The following USP12 variants were observed in gnomAD, a reference collection of about 807,000 sequenced individuals.
The protein encoded by USP12 is ubiquitin specific peptidase 12.
Under a neutral mutation model 45.5 loss-of-function variants are expected in USP12, and 19 were observed. The observed-to-expected ratio is 0.42, with a 90% confidence interval of 0.29 to 0.61. The LOEUF is 0.61. USP12 is among the 20% of genes least tolerant of loss of function. USP12 has a pLI of 0.22. For synonymous variants in USP12, 149 were observed against 148.8 expected, an observed-to-expected ratio of 1.00 and a Z score of -0.01; for missense variants, 242 against 447.7, an observed-to-expected ratio of 0.54 and a Z score of 4.15.
intron 1 of USP12, among the ~76,000 whole-genome samples, chr13:27,125,804 C>G (rs751675311): frequency 3.3e-5 from 5 of 152,266 alleles, no homozygotes; most frequent in Non-Finnish European, 7.3e-5. Context: ...AGGAGACTCC[C>G]TCCCGTGCCT....
At chr13:27,144,439 G>A (rs1395392670) in intron 1 of USP12, among the ~76,000 whole-genome samples, 1 of 147,542 alleles carries the variant, frequency 6.8e-6, no homozygotes, top group Non-Finnish European at 1.5e-5. Flanking sequence ...AGACTGCAGT[G>A]AGCTATTAAT....
At chr13:27,144,747 GTT>G (rs145310848) in intron 1 of USP12, among the ~76,000 whole-genome samples, 27 of 145,322 alleles carry the variant, frequency 1.9e-4, no homozygotes, top group East Asian at 4.0e-4. Flanking sequence ...GTTTTTTGTT[GTT>G]TTTTTTTTTT....
chr13:27,072,226 G>A (rs1873277765), intron 7 of USP12, among the ~76,000 whole-genome samples: 1 of 152,018 alleles, frequency 6.6e-6, no homozygotes, highest in Non-Finnish European at 1.5e-5. Context: ...GTTATGGGGA[G>A]AGGGTCAGAA....
chr13:27,151,145 A>G (rs1342038377), intron 1 of USP12, among the ~76,000 whole-genome samples: 2 of 152,146 alleles, frequency 1.3e-5, no homozygotes, highest in Non-Finnish European at 2.9e-5. Context: ...CCTGGTCAAC[A>G]TGGCAAAACC....
intron 1 of USP12, among the ~76,000 whole-genome samples, chr13:27,140,345 TTA>T (rs1319053359): frequency 6.6e-6 from 1 of 152,228 alleles, no homozygotes; most frequent in African/African-American, 2.4e-5. Flanking sequence ...AAGTTTACAT[TTA>T]TGTGAAATTT....
In USP12 at chr13:27,153,482, A is replaced by T. The variant is rs187672122; in HGVS notation, c.48+18110T>A. 2.8e-4 allele frequency among the ~76,000 whole-genome samples: 42 copies of T among 152,364 alleles called. 2 individuals are homozygous for T. Among genetic ancestry groups the T allele is most frequent in the Admixed American group, 2.7e-3 (42 of 15,302 alleles). Reference sequence around the variant, plus strand: ...AGGTTCTATGAAATCTAGTAACAATAAACTCCAAAAATGGGAATGACAAGA... The same window carrying T: ...AGGTTCTATGAAATCTAGTAACAATTAACTCCAAAAATGGGAATGACAAGA... On this transcript the variant is annotated intron_variant, in intron 1 of 8. Transcript: ENST00000282344.
rs928806411 is a variant in USP12 at position 27,082,801 on chromosome 13, G to A, written c.734+7082C>T. 5.3e-5 allele frequency among the ~76,000 whole-genome samples: 8 copies of A among 152,170 alleles called. 1 individual carries two copies. The highest frequency in any genetic ancestry group is 1.4e-4 in the African/African-American group (6 of 41,444). On this transcript the variant is annotated intron_variant, in intron 6 of 8. Coordinates refer to ENST00000282344, the MANE Select transcript of USP12 (RefSeq NM_182488.4). ...AGGTAGGAGGGGGAAAACGTCAGGT[G>A]GGTGGAGCAGTCAGAACGCACAACA...
intron 4 of USP12, among the ~76,000 whole-genome samples, chr13:27,092,050 G>A (rs1874341032): frequency 6.6e-6 from 1 of 152,176 alleles, no homozygotes; most frequent in Admixed American, 6.5e-5. Flanking sequence ...TACCATAGGA[G>A]TATCTTGTGA....
chr13:27,094,970 A>C (rs1593181192), intron 4 of USP12, among the ~76,000 whole-genome samples: 1 of 152,110 alleles, frequency 6.6e-6, no homozygotes, highest in African/African-American at 2.4e-5. Context: ...CAACACAGTA[A>C]GACCCCTGTC....
intron 1 of USP12, among the ~76,000 whole-genome samples, chr13:27,131,793 A>C (rs1876515321): frequency 6.6e-6 from 1 of 152,228 alleles, no homozygotes; most frequent in Non-Finnish European, 1.5e-5. Flanking sequence ...CCCTCTCTTA[A>C]GGTTCATTTC....
chr13:27,075,044 G>A, intron 7 of USP12, 147 bp downstream of exon 7: 1 of 653,194 alleles, frequency 1.5e-6, no homozygotes, highest in Non-Finnish European at 2.3e-6. Context: ...AAAACATAAA[G>A]CTAAAACTCC....
At chr13:27,148,795 T>TACACACACACACACACACACACAC (rs58820564) in intron 1 of USP12, among the ~76,000 whole-genome samples, 3,430 of 141,704 alleles carry the variant, frequency 0.024, 134 homozygotes, top group African/African-American at 0.074. Flanking sequence ...ATCATCTTAA[T>TACACACACACACACACACACACAC]ACACACACAC....
At chr13:27,155,207 A>G (rs1052137733) in intron 1 of USP12, among the ~76,000 whole-genome samples, 9 of 149,460 alleles carry the variant, frequency 6.0e-5, no homozygotes, top group East Asian at 2.0e-4. Flanking sequence ...TCAGCCTCCC[A>G]AGTAGCTGGG....
intron 1 of USP12, among the ~76,000 whole-genome samples, chr13:27,135,692 G>A (rs1876771312): frequency 6.6e-6 from 1 of 152,134 alleles, no homozygotes; most frequent in Non-Finnish European, 1.5e-5. Context: ...TCCAGCCTGG[G>A]TGACAGAGTG....
intron 1 of USP12, among the ~76,000 whole-genome samples, chr13:27,123,436 T>C (rs7329031): frequency 0.054 from 8,152 of 152,316 alleles, 265 homozygotes; most frequent in Non-Finnish European, 0.057. Flanking sequence ...CTGAATGAGT[T>C]AGGAAATAGC....
At chr13:27,123,107 T>A (rs902973699) in intron 1 of USP12, among the ~76,000 whole-genome samples, 4 of 140,960 alleles carry the variant, frequency 2.8e-5, no homozygotes, top group African/African-American at 1.1e-4. Context: ...AAAAAAAAAA[T>A]ATTTTACAGA....
At chr13:27,148,376 CTA>C (rs72246154) in intron 1 of USP12, among the ~76,000 whole-genome samples, 84,492 of 150,614 alleles carry the variant, frequency 0.56, 24,446 homozygotes, top group East Asian at 0.82. Context: ...CTGTATAAAA[CTA>C]TATATATATA....
At chr13:27,141,726 AAC>A (rs1877068481) in intron 1 of USP12, among the ~76,000 whole-genome samples, 1 of 152,232 alleles carries the variant, frequency 6.6e-6, no homozygotes, top group Non-Finnish European at 1.5e-5. Context: ...TGCCAACTAA[AAC>A]ACAGAGAAGG....
At chr13:27,128,370 A>G (rs1220398650) in intron 1 of USP12, among the ~76,000 whole-genome samples, 1 of 152,216 alleles carries the variant, frequency 6.6e-6, no homozygotes, top group Non-Finnish European at 1.5e-5. Flanking sequence ...AATATGACCA[A>G]ACTCAGCATA....
Sources: allele counts gnomAD v4.1 joint callset (sites outside exome capture counted in the v4.1 genomes callset), GRCh38; gene constraint gnomAD v4.1.1; transcripts MANE v1.5; gene names NCBI Gene and HGNC (gene_info 2026-07-23, HGNC 2026-07-21).